The following IMMP2L variants were observed in gnomAD, a reference collection of about 807,000 sequenced individuals.
The protein encoded by IMMP2L is mitochondrial inner membrane protease subunit 2.
A neutral mutation model predicts 19.3 loss-of-function variants in IMMP2L; 18 were observed. That is an observed-to-expected ratio of 0.93 (90% confidence interval 0.64 to 1.38). IMMP2L has a LOEUF of 1.38. Among genes scored for constraint, IMMP2L ranks in the 40% most tolerant of loss-of-function variants. The pLI, the probability that IMMP2L is intolerant of heterozygous loss-of-function variation, is 0.00. For missense variants in IMMP2L, 233 were observed against 218.2 expected, an observed-to-expected ratio of 1.07 and a Z score of -0.43; for synonymous variants, 76 against 73.0, an observed-to-expected ratio of 1.04 and a Z score of -0.21.
chr7:110,719,094 G>T (rs1019249693), intron 5 of IMMP2L, among the ~76,000 whole-genome samples: 3 of 152,080 alleles, frequency 2.0e-5, no homozygotes, highest in East Asian at 3.8e-4. Flanking sequence ...AGGAAAATCG[G>T]GTGATTAATG....
At chr7:111,398,620 G>C (rs963419722) in intron 3 of IMMP2L, among the ~76,000 whole-genome samples, 1 of 152,010 alleles carries the variant, frequency 6.6e-6, no homozygotes, top group Non-Finnish European at 1.5e-5. Flanking sequence ...GGAAGTCCTA[G>C]ACAGAGCAAA....
At chr7:110,773,662 T>C (rs941517761) in intron 5 of IMMP2L, among the ~76,000 whole-genome samples, 1 of 152,104 alleles carries the variant, frequency 6.6e-6, no homozygotes, top group African/African-American at 2.4e-5. Context: ...CTAAAACTTT[T>C]AAGCCACTTA....
At chr7:111,142,679 A>G (rs898299786) in intron 3 of IMMP2L, among the ~76,000 whole-genome samples, 5 of 152,172 alleles carry the variant, frequency 3.3e-5, no homozygotes, top group Non-Finnish European at 7.3e-5. Context: ...TATGCATGAG[A>G]GCACATATCA....
chr7:111,546,975 A>G (rs959909412), intron 1 of IMMP2L, among the ~76,000 whole-genome samples: 3 of 152,200 alleles, frequency 2.0e-5, no homozygotes, highest in Non-Finnish European at 4.4e-5. Context: ...CTAATGTTGT[A>G]GTGAAAAAGA....
At position 111,556,041 on chromosome 7, in the gene IMMP2L, C is replaced by A. The variant is rs1044985083; in HGVS notation, c.-3+5810G>T. 5.1e-4 allele frequency among the ~76,000 whole-genome samples: 13 copies of A among 25,474 alleles called. 1 individual carries two copies. The highest frequency in any genetic ancestry group is 1.5e-3 in the Non-Finnish European group (13 of 8,438). The allele number at this position is 25,474 out of a possible 152,430, so 16.7% of individuals were successfully genotyped here. A position where few individuals can be genotyped will look rare whatever the true frequency, so the allele number is the denominator to read the frequency against. ...ATGTATATATATATATATATACATA[C>A]CCAAAGAAAATGAAACCGCAACCTT... On this transcript the variant is annotated intron_variant, in intron 1 of 5. Coordinates refer to ENST00000405709, the MANE Select transcript of IMMP2L (RefSeq NM_032549.4).
chr7:110,702,363 T>C (rs1240339768), intron 5 of IMMP2L, among the ~76,000 whole-genome samples: 1 of 152,136 alleles, frequency 6.6e-6, no homozygotes, highest in Non-Finnish European at 1.5e-5. Context: ...TCACAGAAAT[T>C]TTTGAATAAG....
chr7:110,864,198 C>T (rs1410603674), intron 5 of IMMP2L, among the ~76,000 whole-genome samples: 2 of 151,920 alleles, frequency 1.3e-5, no homozygotes, highest in South Asian at 2.1e-4. Context: ...TACCAAAGTT[C>T]AGTGATTACT....
At chr7:111,045,730 A>T (rs1308419814) in intron 3 of IMMP2L, among the ~76,000 whole-genome samples, 1 of 152,220 alleles carries the variant, frequency 6.6e-6, no homozygotes, top group Non-Finnish European at 1.5e-5. Context: ...AAGGCAGGAA[A>T]ACTAATTCTC....
intron 5 of IMMP2L, among the ~76,000 whole-genome samples, chr7:110,716,164 G>T (rs1449785270): frequency 1.3e-5 from 2 of 151,740 alleles, no homozygotes; most frequent in Non-Finnish European, 2.9e-5. Flanking sequence ...TCTGTCTGTC[G>T]TGCAAATGGA....
chr7:111,050,257 A>G (rs1792875229), intron 3 of IMMP2L, among the ~76,000 whole-genome samples: 1 of 152,226 alleles, frequency 6.6e-6, no homozygotes, highest in Non-Finnish European at 1.5e-5. Context: ...TACAGTAAAG[A>G]ATCTTACAGA....
At position 111,028,660 on chromosome 7, in the gene IMMP2L, T is replaced by G. The variant is rs1269825393; in HGVS notation, c.240-65095A>C. On this transcript the variant is annotated intron_variant, in intron 3 of 5. Coordinates refer to ENST00000405709, the MANE Select transcript of IMMP2L (RefSeq NM_032549.4). ...TGAATTTCAAGATGGGCCTCATTAT[T>G]TAAGAAGTCATTTCCCTAACAGTTT... is the stretch of plus-strand genomic sequence containing the variant. Among the ~76,000 whole-genome samples, 11 of 152,156 alleles carry G rather than the reference T, an allele frequency of 7.2e-5. 1 individual carries two copies. The highest frequency in any genetic ancestry group is 7.2e-4 in the Admixed American group (11 of 15,264).
intron 3 of IMMP2L, among the ~76,000 whole-genome samples, chr7:111,389,379 G>C (rs1375805737): frequency 6.6e-6 from 1 of 152,092 alleles, no homozygotes; most frequent in Non-Finnish European, 1.5e-5. Context: ...ATTATGAATT[G>C]AATCTGTGTA....
At chr7:111,189,014 C>T (rs1225854824) in intron 3 of IMMP2L, among the ~76,000 whole-genome samples, 1 of 152,074 alleles carries the variant, frequency 6.6e-6, no homozygotes, top group Non-Finnish European at 1.5e-5. Flanking sequence ...CAGCCAGCTC[C>T]ATTACTGCAC....
intron 3 of IMMP2L, among the ~76,000 whole-genome samples, chr7:111,464,598 G>A (rs1170647043): frequency 6.6e-6 from 1 of 152,114 alleles, no homozygotes; most frequent in Non-Finnish European, 1.5e-5. Context: ...AAAGTGCTTA[G>A]AACAATACCT....
intron 4 of IMMP2L, among the ~76,000 whole-genome samples, chr7:110,953,737 C>CT (rs1818074421): frequency 6.6e-6 from 1 of 152,092 alleles, no homozygotes; most frequent in African/African-American, 2.4e-5. Flanking sequence ...CTTCAGGAAT[C>CT]GCCACACTGT....
Position 111,123,726 on chromosome 7 carries a change from C to A in IMMP2L, c.240-160161G>T. 6.2e-7 allele frequency: 1 copy of A among 1,613,864 alleles called. No homozygotes were observed. Among genetic ancestry groups the A allele is most frequent in the Non-Finnish European group, 8.5e-7 (1 of 1,179,906 alleles). On this transcript the variant is annotated intron_variant, in intron 3 of 5. Coordinates refer to ENST00000405709, the MANE Select transcript of IMMP2L (RefSeq NM_032549.4). This position sits in a 1 kb window ranked among gnomAD's most constrained non-coding sequence, Gnocchi z 6.4. ...ATTTAAGAAAAATAGAAGCTACTAA[C>A]AACCCTAGATTGTCTTACATTCACC...
At chr7:110,993,595 GA>G (rs112398359) in intron 3 of IMMP2L, among the ~76,000 whole-genome samples, 183 of 143,064 alleles carry the variant, frequency 1.3e-3, no homozygotes, top group East Asian at 1.8e-3. Flanking sequence ...TAGATTTCAT[GA>G]AAAAAAAAAA....
chr7:111,456,210 T>C (rs543578421), intron 3 of IMMP2L, among the ~76,000 whole-genome samples: 9 of 152,170 alleles, frequency 5.9e-5, no homozygotes, highest in Admixed American at 5.2e-4. Context: ...TTCAATCTCT[T>C]GTTTACTAAA....
At chr7:111,209,512 T>C (rs1030337852) in intron 3 of IMMP2L, among the ~76,000 whole-genome samples, 3 of 152,000 alleles carry the variant, frequency 2.0e-5, no homozygotes, top group African/African-American at 7.2e-5. Context: ...TATTCACATA[T>C]CAATACAGTA....
Sources: gnomAD v4.1 joint callset for allele counts (sites outside exome capture counted in the v4.1 genomes callset) on GRCh38, gnomAD v4.1.1 for gene constraint, Gnocchi (gnomAD v3.1) non-coding constraint, MANE v1.5 for transcripts, NCBI Gene and HGNC (gene_info 2026-07-23, HGNC 2026-07-21) for gene names.